The following KIAA1210 variants were observed in gnomAD, a reference collection of about 807,000 sequenced individuals.
KIAA1210 encodes the protein KIAA1210, also known as acrosomal protein KIAA1210.
In KIAA1210, 48 loss-of-function variants were observed where a neutral mutation model predicts 78.9. The observed-to-expected ratio is 0.61, with a 90% CI of 0.48 to 0.77. KIAA1210 has a LOEUF of 0.77. KIAA1210 is among the 30% of genes least tolerant of loss of function. The pLI is 0.00. For missense variants in KIAA1210, 1,108 were observed against 1,100.0 expected, an observed-to-expected ratio of 1.01 and a Z score of -0.10; for synonymous variants, 406 against 404.5, an observed-to-expected ratio of 1.00 and a Z score of -0.04.
intron 2 of KIAA1210, among the ~76,000 whole-genome samples, chrX:119,133,563 G>C (rs1486648935): frequency 1.8e-5 from 2 of 111,949 alleles, no homozygotes; most frequent in East Asian, 2.8e-4. Flanking sequence ...GGGCCAGCTA[G>C]CTAGCCTTGA....
Position 119,087,178 on chromosome X carries a change from G to C in KIAA1210, c.3524C>G (p.Pro1175Arg). 8.3e-7 allele frequency: 1 copy of C among 1,211,622 alleles called. No individual in the cohort carries two copies. Among genetic ancestry groups the C allele is most frequent in the Admixed American group, 2.2e-5 (1 of 46,058 alleles). The change falls in exon 9 of 12, where the codon CCA becomes CGA. Residue 1175 changes from proline to arginine, a missense_variant. Coordinates refer to ENST00000691062, the MANE Select transcript of KIAA1210 (RefSeq NM_001394962.1). ...KFQPQMSSKG[P>R]VNVPVKQSSG... ...GCTCTGCTTTACAGGTACATTCACT[G>C]GGCCCTTTGATGACATCTGTGGCTG...
chrX:119,080,835 CTATTTTGCTTAATAAATTCT>C lies in KIAA1210; in HGVS notation c.*474_*493del, dbSNP rs1926925880. ...TATGTTTTAATTTGCATTTCTAAGG[CTATTTTGCTTAATAAATTCT>C]TATTTTGCTTAATAAATTCTTAGTT... On this transcript the variant is annotated 3_prime_UTR_variant, in exon 12 of 12. Coordinates refer to ENST00000691062, the MANE Select transcript of KIAA1210 (RefSeq NM_001394962.1). The C allele has an allele frequency of 8.9e-6, 1 of 112,457 alleles. No homozygotes were observed. Among genetic ancestry groups the C allele is most frequent in the African/African-American group, 3.2e-5 (1 of 30,942 alleles). 9.3% of individuals were successfully genotyped at this position (112,457 alleles called of 1,213,427 possible). A position where few individuals can be genotyped will look rare whatever the true frequency, so the allele number is the denominator to read the frequency against.
Position 119,087,207 on chromosome X carries a change from T to A in KIAA1210, c.3495A>T (p.Lys1165Asn). ...CCTTTGATGACATCTGTGGCTGGAA[T>A]TTAGACCTATCTGAGGCTTGGGAAG... The part of the protein sequence containing the change: ...KHSSQASDRS[K>N]FQPQMSSKGP... The change falls in exon 9 of 12, where the codon AAA (lysine) becomes AAT (asparagine). Residue 1165 changes from lysine to asparagine, a missense_variant. By Grantham distance (94) the Lys-to-Asn change is moderately conservative. Coordinates refer to ENST00000691062, the MANE Select transcript of KIAA1210 (RefSeq NM_001394962.1). 8.3e-7 allele frequency: 1 copy of A among 1,211,498 alleles called. No individual in the cohort carries two copies. The highest frequency in any genetic ancestry group is 1.1e-6 in the Non-Finnish European group (1 of 895,346).
chrX:119,113,331 A>G (rs933389587), intron 3 of KIAA1210, among the ~76,000 whole-genome samples: 7 of 112,181 alleles, frequency 6.2e-5, no homozygotes, highest in African/African-American at 2.3e-4. Flanking sequence ...GTTTAATTGT[A>G]TAATATATGA....
intron 9 of KIAA1210, among the ~76,000 whole-genome samples, chrX:119,086,062 G>A (rs1267555372): frequency 8.9e-6 from 1 of 112,587 alleles, no homozygotes; most frequent in Non-Finnish European, 1.9e-5. Context: ...CCAAAAGATC[G>A]CCTAGCTCTA....
chrX:119,092,523 A>T (rs1399466736), intron 8 of KIAA1210, among the ~76,000 whole-genome samples: 16 of 111,757 alleles, frequency 1.4e-4, no homozygotes, highest in Admixed American at 9.5e-4. Context: ...GCACTTTGGG[A>T]GGCCAAGGTG....
intron 5 of KIAA1210, among the ~76,000 whole-genome samples, chrX:119,105,547 G>A (rs1318434599): frequency 8.9e-6 from 1 of 112,051 alleles, no homozygotes; most frequent in Admixed American, 9.5e-5. Flanking sequence ...TCATAGAGGC[G>A]AGTCTTTTGA....
chrX:119,137,034 T>C (rs1928929144), intron 2 of KIAA1210, among the ~76,000 whole-genome samples: 1 of 112,642 alleles, frequency 8.9e-6, no homozygotes, highest in Admixed American at 9.4e-5. Context: ...CCCCAAGGTC[T>C]TTATGCACAG....
At chrX:119,150,652 C>G, upstream of KIAA1210, 1 of 1,061,908 alleles carries the variant, frequency 9.4e-7, no homozygotes, top group Non-Finnish European at 1.3e-6. Context: ...TGAGGACTCT[C>G]CCGCTGCTGA....
intron 10 of KIAA1210, among the ~76,000 whole-genome samples, chrX:119,085,161 CAA>C (rs1283230796): frequency 8.9e-6 from 1 of 112,414 alleles, no homozygotes; most frequent in Non-Finnish European, 1.9e-5. Flanking sequence ...GGATTATAAA[CAA>C]GAGCCACCGC....
At chrX:119,106,911 C>A (rs1340879983) in intron 5 of KIAA1210, among the ~76,000 whole-genome samples, 2 of 112,234 alleles carry the variant, frequency 1.8e-5, no homozygotes, top group Non-Finnish European at 3.8e-5. Flanking sequence ...CCATTAGAAT[C>A]CTGCCCCTTC....
At position 119,133,274 on chromosome X, in the gene KIAA1210, C is replaced by T. The variant is rs760262213; in HGVS notation, c.411-9622G>A. ...AGAGGTCCAGCCAGCTCCTGAAATGCAGCCCTTGGACACTCCGTAATGAAG... is the reference window on the plus strand; with the variant it reads ...AGAGGTCCAGCCAGCTCCTGAAATGTAGCCCTTGGACACTCCGTAATGAAG... On this transcript the variant is annotated intron_variant, in intron 2 of 13. Transcript: ENST00000402510. Among the ~76,000 whole-genome samples, 18 of 112,047 alleles carry T rather than the reference C, an allele frequency of 1.6e-4. No individual in the cohort carries two copies. In the South Asian group the frequency reaches 3.7e-3, roughly 23 times the overall value.
chrX:119,133,591 C>T (rs1016210995), intron 2 of KIAA1210, among the ~76,000 whole-genome samples: 6 of 111,368 alleles, frequency 5.4e-5, no homozygotes, highest in Admixed American at 9.5e-5. Flanking sequence ...TTTGTTTGTG[C>T]TCCTAGGAGC....
rs192069654 is a variant in KIAA1210, at chrX:119,138,069, G to A, written c.410+9404C>T. ...CTGAAGGGGAACAACATAGGAGGCC[G>A]TCAAGCTACAGAAGGGACCAGAAGG... On this transcript the variant is annotated intron_variant, in intron 2 of 13. Coordinates refer to the KIAA1210 transcript ENST00000402510. Among the ~76,000 whole-genome samples, 7 of 110,851 alleles carry A rather than the reference G, an allele frequency of 6.3e-5. No individual in the cohort carries two copies. The East Asian group carries it at 8.5e-4, about 13-fold the overall frequency.
chrX:119,102,316 A>C (rs1927758155), intron 6 of KIAA1210, among the ~76,000 whole-genome samples: 1 of 112,796 alleles, frequency 8.9e-6, no homozygotes, highest in Non-Finnish European at 1.9e-5. Flanking sequence ...GTATACAATC[A>C]TGGGAGGGAG....
rs752083973 is a variant in KIAA1210 at position 119,086,924 on chromosome X, G to A, written c.3778C>T (p.Pro1260Ser). 7.5e-5 allele frequency: 91 copies of A among 1,209,660 alleles called. No homozygotes were observed. In the East Asian group the frequency reaches 1.9e-3, roughly 26 times the overall value. Reference sequence around the variant, plus strand: ...CCAGAAGTGGATGTTTGCCTGACAGGAGCAATGGTGAACTTCCCAGGTTTG... The same window carrying A: ...CCAGAAGTGGATGTTTGCCTGACAGAAGCAATGGTGAACTTCCCAGGTTTG... ...ATKPGKFTIA[P>S]VRQTSTSGGI... Residue 1260 changes from proline to serine, a missense_variant, in exon 9 of 12, where the codon CCT becomes TCT. Coordinates refer to ENST00000691062, the MANE Select transcript of KIAA1210 (RefSeq NM_001394962.1).
chrX:119,115,621 G>T (rs1022737132), intron 3 of KIAA1210, among the ~76,000 whole-genome samples: 7 of 112,183 alleles, frequency 6.2e-5, no homozygotes, highest in African/African-American at 1.9e-4. Context: ...TCAGCTAACT[G>T]CCTCATTCCC....
chrX:119,098,537 G>A (rs1927628878), intron 6 of KIAA1210, among the ~76,000 whole-genome samples: 1 of 106,692 alleles, frequency 9.4e-6, no homozygotes, highest in Admixed American at 1.0e-4. Context: ...CCTGGGAGGC[G>A]GAGGTTTCAG....
chrX:119,101,161 C>T (rs1309116875), intron 6 of KIAA1210, among the ~76,000 whole-genome samples: 1 of 112,117 alleles, frequency 8.9e-6, no homozygotes, highest in Non-Finnish European at 1.9e-5. Flanking sequence ...GTTTCTAGAC[C>T]CAGTGCAAAG....
Sources: gnomAD v4.1 joint callset for allele counts (sites outside exome capture counted in the v4.1 genomes callset) on GRCh38, gnomAD v4.1.1 for gene constraint, MANE v1.5 for transcripts, NCBI Gene and HGNC (gene_info 2026-07-23, HGNC 2026-07-21) for gene names.